Variants in PKP1 observed in about 807,000 individuals in gnomAD.
PKP1 encodes plakophilin-1.
In PKP1, 27 loss-of-function variants were observed where a neutral mutation model predicts 76.4. The observed-to-expected ratio is 0.35, with a 90% CI of 0.26 to 0.49. The LOEUF is 0.49. Among genes scored for constraint, PKP1 ranks in the 20% least tolerant of loss-of-function variants. PKP1 has a pLI of 0.99. For synonymous variants in PKP1, 404 were observed against 384.2 expected, an observed-to-expected ratio of 1.05 and a Z score of -0.60; for missense variants, 964 against 955.2, an observed-to-expected ratio of 1.01 and a Z score of -0.12.
intron 2 of PKP1, among the ~76,000 whole-genome samples, chr1:201,307,951 G>A (rs1656418697): frequency 6.6e-6 from 1 of 152,182 alleles, no homozygotes; most frequent in Non-Finnish European, 1.5e-5. Flanking sequence ...ACCAGGGTGT[G>A]TCTCGCTGGA....
chr1:201,302,438 G>C (rs947527457), intron 2 of PKP1, among the ~76,000 whole-genome samples: 3 of 152,166 alleles, frequency 2.0e-5, no homozygotes, highest in African/African-American at 7.2e-5. Context: ...CAGGGCATGG[G>C]ATTAAGTCAT....
intron 1 of PKP1, among the ~76,000 whole-genome samples, chr1:201,291,779 A>G (rs2268152): frequency 0.11 from 17,010 of 152,246 alleles, 990 homozygotes; most frequent in South Asian, 0.18. Context: ...AAGAATGATC[A>G]AAGTGGGCTG....
chr1:201,311,028 T>G (rs958548989), intron 2 of PKP1, among the ~76,000 whole-genome samples: 1 of 152,218 alleles, frequency 6.6e-6, no homozygotes. Context: ...CCAGGATGAG[T>G]GTTTGGGCTT....
Position 201,313,241 on chromosome 1 carries a change from C to T in PKP1, c.382C>T (p.Arg128Trp), listed in dbSNP as rs1276102421. ...CTACAGCCAGATGGAGAACTGGAGC[C>T]GGCACTACCCCCGGGGCAGCTGTAA... ...SSYSQMENWS[R>W]HYPRGSCNTT... Residue 128 changes from arginine to tryptophan, a missense_variant, in exon 3 of 14, where the codon CGG becomes TGG. By Grantham distance (101) the Arg-to-Trp change is moderately radical. Transcript: ENST00000367324. 11 of 1,604,444 alleles carry T rather than the reference C, an allele frequency of 6.9e-6. No homozygotes were observed. Among genetic ancestry groups the T allele is most frequent in the African/African-American group, 4.0e-5 (3 of 74,714 alleles).
At chr1:201,303,741 T>C (rs1004364844) in intron 2 of PKP1, among the ~76,000 whole-genome samples, 1 of 152,120 alleles carries the variant, frequency 6.6e-6, no homozygotes, top group African/African-American at 2.4e-5. Flanking sequence ...TTTCTATGAG[T>C]TTCAATGTTA....
Position 201,283,529 on chromosome 1 carries a change from G to A in PKP1, c.-174G>A, listed in dbSNP as rs1655634008. 3.0e-6 allele frequency: 2 copies of A among 676,846 alleles called. No homozygotes were observed. The highest frequency in any genetic ancestry group is 2.7e-5 in the East Asian group (1 of 36,766). The allele number at this position is 676,846 out of a possible 1,614,324, so 41.9% of individuals were successfully genotyped here. On this transcript the variant is annotated 5_prime_UTR_variant, in exon 1 of 14. Transcript: ENST00000367324. ...CCAGTGCCAGAGAGGGACGAACCAG[G>A]GTGGAAGCGCCAGGAGCAGCTGCAG...
intron 3 of PKP1, among the ~76,000 whole-genome samples, chr1:201,314,941 G>A (rs1240088225): frequency 6.6e-6 from 1 of 152,220 alleles, no homozygotes; most frequent in African/African-American, 2.4e-5. Flanking sequence ...AGAAAACAAG[G>A]CACAGAGATG....
chr1:201,320,128 C>T lies in PKP1; in HGVS notation c.1233-139C>T, dbSNP rs1004836704. 4.7e-5 allele frequency: 33 copies of T among 709,224 alleles called. No individual in the cohort carries two copies. In the African/African-American group the frequency reaches 5.1e-4, roughly 11 times the overall value. 43.9% of individuals were successfully genotyped at this position (709,224 alleles called of 1,614,324 possible). A position where few individuals can be genotyped will look rare whatever the true frequency, so the allele number is the denominator to read the frequency against. On this transcript the variant is annotated intron_variant, in intron 6 of 13. Coordinates refer to ENST00000367324, the MANE Select transcript of PKP1 (RefSeq NM_001005337.3). ...CTTCTACCACAACTTCCAATCTCCA[C>T]CCCGTCGTCTCCTCTCTGCCCTCCC...
rs549469200 is a variant in PKP1 at position 201,320,279 on chromosome 1, G to A, written c.1245G>A (p.Ser415=). The change falls in exon 7 of 14, where the codon TCG becomes TCA. Residue 415 remains serine, a synonymous_variant. Transcript: ENST00000367324. ...NATGCLRNLS[S]ADAGRQTMRN... ...TTCTCTCCCCCAGGAACCTGAGCTC[G>A]GCCGATGCAGGCCGCCAGACCATGC... is the stretch of plus-strand genomic sequence containing the variant. 2.6e-5 allele frequency: 42 copies of A among 1,612,576 alleles called. No individual in the cohort carries two copies. Among genetic ancestry groups the A allele is most frequent in the Admixed American group, 1.0e-4 (6 of 59,970 alleles).
intron 6 of PKP1, among the ~76,000 whole-genome samples, chr1:201,319,462 C>G (rs1002048771): frequency 2.6e-5 from 4 of 152,166 alleles, no homozygotes; most frequent in Non-Finnish European, 4.4e-5. Context: ...TCCTGAGAAT[C>G]CCCCCAGAGT....
Position 201,324,546 on chromosome 1 carries a change from A to G in PKP1, c.1799A>G (p.Asn600Ser), listed in dbSNP as rs1657050246. Residue 600 changes from asparagine (N) to serine (S), a missense_variant, in exon 10 of 14, where the codon AAC (asparagine) becomes AGC (serine). Physicochemically the swap from Asn to Ser is conservative, Grantham distance 46. Coordinates refer to ENST00000367324, the MANE Select transcript of PKP1 (RefSeq NM_001005337.3). ...CGGTCCGGAGCCTCCCTCCTGAGCAACATGTCCCGCCACCCTCTGCTGCAC... is the reference window on the plus strand; with the variant it reads ...CGGTCCGGAGCCTCCCTCCTGAGCAGCATGTCCCGCCACCCTCTGCTGCAC... ...VVRSGASLLS[N>S]MSRHPLLHRV... 1.9e-6 allele frequency: 3 copies of G among 1,614,020 alleles called. No individual in the cohort carries two copies. Among genetic ancestry groups the G allele is most frequent in the Non-Finnish European group, 1.7e-6 (2 of 1,180,024 alleles).
intron 3 of PKP1, 145 bp downstream of exon 3, chr1:201,313,705 T>C: frequency 1.1e-6 from 1 of 872,066 alleles, no homozygotes; most frequent in Non-Finnish European, 1.7e-6. Flanking sequence ...CCTGGTGTAA[T>C]GGACTCCCTA....
At chr1:201,297,798 C>T (rs1656117896) in intron 2 of PKP1, among the ~76,000 whole-genome samples, 1 of 152,276 alleles carries the variant, frequency 6.6e-6, no homozygotes, top group Middle Eastern at 3.4e-3. Context: ...TCCAACCAGG[C>T]CTACTCTCAC....
chr1:201,313,881 G>C (rs1304529713), intron 3 of PKP1, among the ~76,000 whole-genome samples: 1 of 152,168 alleles, frequency 6.6e-6, no homozygotes, highest in Non-Finnish European at 1.5e-5. Context: ...CATCACCCAG[G>C]AATTTGTTAG....
At chr1:201,325,186 A>G in intron 11 of PKP1, 59 bp downstream of exon 11, 1 of 1,541,186 alleles carries the variant, frequency 6.5e-7, no homozygotes, top group Non-Finnish European at 8.9e-7. Flanking sequence ...CTCACCCTGC[A>G]CAGCAGGAAG....
intron 4 of PKP1, 109 bp downstream of exon 4, chr1:201,316,806 G>A (rs1368410152): frequency 8.3e-7 from 1 of 1,207,084 alleles, no homozygotes; most frequent in Non-Finnish European, 1.2e-6. Context: ...GGCTTCTCTT[G>A]CCTTGCCCAG....
chr1:201,307,857 C>A (rs114138242), intron 2 of PKP1, among the ~76,000 whole-genome samples: 3,344 of 152,264 alleles, frequency 0.022, 114 homozygotes, highest in African/African-American at 0.075. Flanking sequence ...TGCGTGCACT[C>A]CCTTTCATGA....
intron 13 of PKP1, 73 bp downstream of exon 13, chr1:201,328,941 G>T (rs1657230779): frequency 3.2e-6 from 3 of 948,546 alleles, no homozygotes; most frequent in Non-Finnish European, 1.7e-6. Context: ...AGAGACAAGG[G>T]CTAGGCCTGT....
At chr1:201,298,238 C>T (rs530914053) in intron 2 of PKP1, among the ~76,000 whole-genome samples, 33 of 152,266 alleles carry the variant, frequency 2.2e-4, no homozygotes, top group Non-Finnish European at 3.5e-4. Context: ...TCAGCAAAGA[C>T]GAGGATGCGG....
Sources: gnomAD v4.1 joint callset for allele counts (sites outside exome capture counted in the v4.1 genomes callset) on GRCh38, gnomAD v4.1.1 for gene constraint, MANE v1.5 for transcripts, NCBI Gene and HGNC (gene_info 2026-07-23, HGNC 2026-07-21) for gene names.